Variants in RBFOX1 observed in about 807,000 individuals in gnomAD.
RBFOX1 encodes the protein RNA binding fox-1 homolog 1, also known as RNA binding protein fox-1 homolog 1.
RBFOX1 carries 8 observed loss-of-function variants against 57.7 expected under a neutral mutation model. The ratio of observed to expected loss-of-function variants is 0.14; its 90% CI spans 0.08 to 0.25. The LOEUF is 0.25. Among genes scored for constraint, RBFOX1 ranks in the 10% least tolerant of loss-of-function variants. The pLI, the probability that RBFOX1 is intolerant of heterozygous loss-of-function variation, is 1.00. For missense variants in RBFOX1, 611 were observed against 548.5 expected (o/e 1.11, Z -1.14); for synonymous variants, 326 against 222.4 (o/e 1.47, Z -4.15).
downstream of RBFOX1, among the ~76,000 whole-genome samples, chr16:5,600,724 T>C (rs2047339473): frequency 6.6e-6 from 1 of 151,976 alleles, no homozygotes. Context: ...TAAACCTCAT[T>C]AATGGATCAT....
At chr16:6,462,454 A>G (rs2094942011) in intron 2 of RBFOX1, among the ~76,000 whole-genome samples, 1 of 152,226 alleles carries the variant, frequency 6.6e-6, no homozygotes, top group Admixed American at 6.5e-5. Flanking sequence ...ATATCTGCAT[A>G]GTATTCCATA....
At chr16:7,302,849 A>C (rs1401313047) in intron 4 of RBFOX1, among the ~76,000 whole-genome samples, 1 of 152,012 alleles carries the variant, frequency 6.6e-6, no homozygotes, top group African/African-American at 2.4e-5. Context: ...AATGAAATCT[A>C]CTAATGAATA....
chr16:7,379,895 C>A (rs2097758244), intron 4 of RBFOX1, among the ~76,000 whole-genome samples: 2 of 152,036 alleles, frequency 1.3e-5, no homozygotes, highest in African/African-American at 4.8e-5. Flanking sequence ...CCTTTATCAC[C>A]CACCTGAGGT....
chr16:5,539,459 G>C (rs923681009), intron 2 of RBFOX1, among the ~76,000 whole-genome samples: 4 of 134,246 alleles, frequency 3.0e-5, no homozygotes, highest in Non-Finnish European at 3.2e-5. Context: ...GGGTGTAGTG[G>C]AAAAATACAA....
chr16:6,731,116 A>C (rs1436765472), intron 3 of RBFOX1, among the ~76,000 whole-genome samples: 1 of 152,146 alleles, frequency 6.6e-6, no homozygotes, highest in Non-Finnish European at 1.5e-5. Flanking sequence ...CTCCCTTGGA[A>C]AGCCTGAATT....
Position 5,798,305 on chromosome 16 carries a change from G to A in RBFOX1, c.319-68998G>A, listed in dbSNP as rs566730101. Among the ~76,000 whole-genome samples, 10 of 152,280 alleles carry A rather than the reference G, an allele frequency of 6.6e-5. No homozygotes were observed. The East Asian group carries it at 1.9e-3, about 29-fold the overall frequency. On this transcript the variant is annotated intron_variant, in intron 3 of 19. Transcript: ENST00000641259. ...TCACATAATTCAAACAACACATTACGATACAGCTGATCTTCCAAGCAGTGT... is the reference window on the plus strand; with the variant it reads ...TCACATAATTCAAACAACACATTACAATACAGCTGATCTTCCAAGCAGTGT...
chr16:5,909,293 T>C (rs1013723342), intron 4 of RBFOX1, among the ~76,000 whole-genome samples: 18 of 151,976 alleles, frequency 1.2e-4, no homozygotes, highest in African/African-American at 3.4e-4. Context: ...TGGGTTTCAC[T>C]GTGTTAGCCA....
chr16:5,290,612 A>G (rs1454665644), intron 1 of RBFOX1, among the ~76,000 whole-genome samples: 1 of 151,968 alleles, frequency 6.6e-6, no homozygotes, highest in East Asian at 1.9e-4. Flanking sequence ...GGAGAGGCCT[A>G]GGGGGTGGGA....
intron 1 of RBFOX1, among the ~76,000 whole-genome samples, chr16:6,166,806 C>G (rs2096921095): frequency 6.6e-6 from 1 of 152,080 alleles, no homozygotes; most frequent in African/African-American, 2.4e-5. Flanking sequence ...TGGAGTCTCA[C>G]TCTGTTGCCC....
chr16:5,772,664 A>C (rs891277112), intron 3 of RBFOX1, among the ~76,000 whole-genome samples: 1 of 152,200 alleles, frequency 6.6e-6, no homozygotes, highest in African/African-American at 2.4e-5. Context: ...AGGCAGCTAG[A>C]GGGGAGATAA....
At chr16:5,956,902 C>A (rs2059655283) in intron 4 of RBFOX1, among the ~76,000 whole-genome samples, 1 of 150,848 alleles carries the variant, frequency 6.6e-6, no homozygotes, top group African/African-American at 2.4e-5. Context: ...CTCCTGGTCT[C>A]CAGCAATCCA....
At chr16:5,244,694 C>A (rs969881364) in intron 1 of RBFOX1, among the ~76,000 whole-genome samples, 1 of 152,252 alleles carries the variant, frequency 6.6e-6, no homozygotes, top group African/African-American at 2.4e-5. Context: ...GTGAGGCAGG[C>A]TCCTGAGGAA....
At chr16:7,354,011 A>T (rs571174584) in intron 4 of RBFOX1, among the ~76,000 whole-genome samples, 13 of 152,206 alleles carry the variant, frequency 8.5e-5, no homozygotes, top group Non-Finnish European at 1.5e-4. Flanking sequence ...TTGCTCTGTC[A>T]CTCAGGCTGG....
Position 6,019,612 on chromosome 16 carries a change from G to A in RBFOX1, c.-507G>A, listed in dbSNP as rs576517349. ...GGGCTGAAGAAGGAAGGAGTGAGCC[G>A]AGCCGAGCACCCCACATCTGGAGGG... On this transcript the variant is annotated 5_prime_UTR_variant, in exon 1 of 16. Transcript: ENST00000550418. The surrounding 1 kb of genome is among the most constrained non-coding windows in gnomAD (Gnocchi z 4.2). 1.2e-3 allele frequency: 1,535 copies of A among 1,236,642 alleles called. 2 individuals carry two copies. Among genetic ancestry groups the A allele is most frequent in the Non-Finnish European group, 1.5e-3 (1,452 of 988,992 alleles). The allele number at this position is 1,236,642 out of a possible 1,614,324, so 76.6% of individuals were successfully genotyped here. A position where few individuals can be genotyped will look rare whatever the true frequency, so the allele number is the denominator to read the frequency against.
At chr16:7,115,817 G>A (rs2065784959) in intron 4 of RBFOX1, among the ~76,000 whole-genome samples, 1 of 152,216 alleles carries the variant, frequency 6.6e-6, no homozygotes, top group South Asian at 2.1e-4. Flanking sequence ...CATGAACAGG[G>A]ATCACTGGGG....
At chr16:7,076,220 G>A (rs1228519765) in intron 4 of RBFOX1, among the ~76,000 whole-genome samples, 1 of 151,358 alleles carries the variant, frequency 6.6e-6, no homozygotes, top group Non-Finnish European at 1.5e-5. Context: ...TTTTAGTAGA[G>A]ATGGGGTTTC....
intron 2 of RBFOX1, among the ~76,000 whole-genome samples, chr16:6,553,755 G>C (rs1220172450): frequency 6.6e-6 from 1 of 152,184 alleles, no homozygotes; most frequent in Non-Finnish European, 1.5e-5. Flanking sequence ...TGATAGGAGA[G>C]GTGGCAGGTG....
chr16:7,356,968 TTGTG>T (rs1255143637), intron 4 of RBFOX1, among the ~76,000 whole-genome samples: 1 of 152,210 alleles, frequency 6.6e-6, no homozygotes, highest in East Asian at 1.9e-4. Context: ...TTTCTGTTCT[TTGTG>T]TGAATGCTGA....
intron 4 of RBFOX1, among the ~76,000 whole-genome samples, chr16:7,121,272 G>A (rs2067119817): frequency 6.6e-6 from 1 of 151,886 alleles, no homozygotes; most frequent in Middle Eastern, 3.4e-3. Flanking sequence ...ACTACAATAA[G>A]GAAGAAAAAG....
Sources: allele counts gnomAD v4.1 joint callset (sites outside exome capture counted in the v4.1 genomes callset), GRCh38; gene constraint gnomAD v4.1.1; non-coding constraint Gnocchi (gnomAD v3.1); transcripts MANE v1.5; gene names NCBI Gene and HGNC (gene_info 2026-07-23, HGNC 2026-07-21).